PRELID2: variants seen among roughly 807,000 people sequenced by gnomAD.
PRELID2 encodes PRELI domain-containing protein 2.
PRELID2 carries 25 observed loss-of-function variants against 28.4 expected under a neutral mutation model. The ratio of observed to expected loss-of-function variants is 0.88; its 90% CI spans 0.64 to 1.23. PRELID2 has a LOEUF of 1.23. Among genes scored for constraint, PRELID2 ranks in the 50% most tolerant of loss-of-function variants. PRELID2 has a pLI of 0.00. For missense variants in PRELID2, 201 were observed against 214.4 expected, an observed-to-expected ratio of 0.94 and a Z score of 0.39; for synonymous variants, 76 against 71.6, an observed-to-expected ratio of 1.06 and a Z score of -0.31.
At chr5:145,455,191 C>T in the PRELID2 span, among the ~76,000 whole-genome samples, 1 of 151,564 alleles carries the variant, frequency 6.6e-6, no homozygotes, top group Non-Finnish European at 1.5e-5. Context: ...AGTTTTCCAA[C>T]ACCATTTATT....
intron 1 of PRELID2, among the ~76,000 whole-genome samples, chr5:145,721,944 C>T (rs549570839): frequency 4.3e-4 from 65 of 152,186 alleles, no homozygotes; most frequent in African/African-American, 1.5e-3. Flanking sequence ...AGAGCAACCA[C>T]CTGCATAAAG....
At chr5:145,454,020 G>A in the PRELID2 span, among the ~76,000 whole-genome samples, 397 of 152,138 alleles carry the variant, frequency 2.6e-3, 2 homozygotes, top group African/African-American at 8.7e-3. Context: ...TCTCATTCTA[G>A]ATCCTTGAGG....
the PRELID2 span, among the ~76,000 whole-genome samples, chr5:145,415,347 ATG>A: frequency 6.6e-6 from 1 of 151,620 alleles, no homozygotes; most frequent in Non-Finnish European, 1.5e-5. Flanking sequence ...TTAGTTACAT[ATG>A]TATACATGTG....
At chr5:145,295,007 A>G in the PRELID2 span, among the ~76,000 whole-genome samples, 3 of 152,170 alleles carry the variant, frequency 2.0e-5, no homozygotes, top group Non-Finnish European at 4.4e-5. Flanking sequence ...ATGAGGTACT[A>G]GGGAACATAG....
At chr5:145,481,623 C>CGAAAAAAAAAAAAAAAAAAA (rs1752160143) in intron 1 of PRELID2, among the ~76,000 whole-genome samples, 3 of 41,864 alleles carry the variant, frequency 7.2e-5, no homozygotes, top group African/African-American at 2.4e-4. Flanking sequence ...GCAAGGAAAT[C>CGAAAAAAAAAAAAAAAAAAA]AAAAAAAAAA....
intron 1 of PRELID2, among the ~76,000 whole-genome samples, chr5:145,730,741 G>A (rs190569457): frequency 3.3e-4 from 50 of 151,910 alleles, no homozygotes; most frequent in Non-Finnish European, 5.4e-4. Flanking sequence ...GACTAAGGTC[G>A]GCATGACCAT....
At chr5:145,751,682 C>T (rs547627673), downstream of PRELID2, among the ~76,000 whole-genome samples, 2 of 152,104 alleles carry the variant, frequency 1.3e-5, no homozygotes, top group Non-Finnish European at 2.9e-5. Context: ...AATTAATGCT[C>T]CAAAAGAAGA....
chr5:145,622,740 C>T (rs554894701), intron 1 of PRELID2, among the ~76,000 whole-genome samples: 54 of 151,462 alleles, frequency 3.6e-4, no homozygotes, highest in Non-Finnish European at 6.5e-4. Context: ...ATAATTTGGC[C>T]TAAGTTCTGA....
chr5:145,724,400 G>A (rs1756072097), intron 1 of PRELID2, among the ~76,000 whole-genome samples: 1 of 151,170 alleles, frequency 6.6e-6, no homozygotes, highest in Admixed American at 6.6e-5. Flanking sequence ...AAACAAAAGA[G>A]GCTTAAGCAG....
chr5:145,289,289 T>C, the PRELID2 span, among the ~76,000 whole-genome samples: 1 of 152,318 alleles, frequency 6.6e-6, no homozygotes, highest in South Asian at 2.1e-4. Flanking sequence ...AATCTCTTTC[T>C]GACCTTTCTG....
chr5:145,724,639 A>ATATATATATATATG (rs1756088903), intron 1 of PRELID2, among the ~76,000 whole-genome samples: 1 of 109,200 alleles, frequency 9.2e-6, no homozygotes, highest in Non-Finnish European at 1.9e-5. Flanking sequence ...ATATATATAT[A>ATATATATATATATG]TATATATAAT....
At chr5:145,708,596 C>T (rs1433329489) in intron 1 of PRELID2, among the ~76,000 whole-genome samples, 2 of 152,028 alleles carry the variant, frequency 1.3e-5, no homozygotes, top group African/African-American at 4.8e-5. Context: ...ATAAATTAAA[C>T]AGAAAATTTT....
At chr5:145,490,231 T>C (rs1316709164) in intron 1 of PRELID2, among the ~76,000 whole-genome samples, 2 of 152,206 alleles carry the variant, frequency 1.3e-5, no homozygotes, top group African/African-American at 4.8e-5. Flanking sequence ...ATCTAGACTT[T>C]TTAAAATTTC....
At chr5:145,428,069 C>G in the PRELID2 span, among the ~76,000 whole-genome samples, 1 of 152,110 alleles carries the variant, frequency 6.6e-6, no homozygotes, top group African/African-American at 2.4e-5. Context: ...AGCGATTCTC[C>G]TGCCTCAGCA....
In PRELID2 at chr5:145,756,370, T is replaced by C. The variant is rs968305554; in HGVS notation, c.*4166A>G. Reference sequence around the variant, plus strand: ...CAGCTGTAACAACTTTATTTCAGAATGACTGCAGGAAGGAATTTCATAGGT... The same window carrying C: ...CAGCTGTAACAACTTTATTTCAGAACGACTGCAGGAAGGAATTTCATAGGT... On this transcript the variant is annotated 3_prime_UTR_variant, in exon 7 of 7. Transcript: ENST00000683046. Among the ~76,000 whole-genome samples, 2 of 152,218 alleles carry C rather than the reference T, an allele frequency of 1.3e-5. No homozygotes were observed. Among genetic ancestry groups the C allele is most frequent in the Non-Finnish European group, 2.9e-5 (2 of 68,026 alleles).
the PRELID2 span, among the ~76,000 whole-genome samples, chr5:145,460,251 A>G: frequency 6.6e-6 from 1 of 152,212 alleles, no homozygotes; most frequent in South Asian, 2.1e-4. Context: ...AGTTATTTCA[A>G]TAAAGAGTTC....
At chr5:145,749,227 A>G (rs1757069674) in intron 1 of PRELID2, among the ~76,000 whole-genome samples, 1 of 152,204 alleles carries the variant, frequency 6.6e-6, no homozygotes, top group Non-Finnish European at 1.5e-5. Flanking sequence ...CCCATCTGAC[A>G]AAGGTCTAAT....
chr5:145,273,378 C>T, the PRELID2 span, among the ~76,000 whole-genome samples: 1 of 152,046 alleles, frequency 6.6e-6, no homozygotes, highest in South Asian at 2.1e-4. Flanking sequence ...CCGCTACCAC[C>T]TGCCCTTAAA....
At chr5:145,549,861 T>A (rs1188558790) in intron 1 of PRELID2, among the ~76,000 whole-genome samples, 1 of 151,926 alleles carries the variant, frequency 6.6e-6, no homozygotes, top group African/African-American at 2.4e-5. Flanking sequence ...ATAAAACACG[T>A]CACTCCTTAA....
Sources: gnomAD v4.1 joint callset for allele counts (sites outside exome capture counted in the v4.1 genomes callset) on GRCh38, gnomAD v4.1.1 for gene constraint, MANE v1.5 for transcripts, NCBI Gene and HGNC (gene_info 2026-07-23, HGNC 2026-07-21) for gene names.